The following LAMA4 variants were observed in gnomAD, a reference collection of about 807,000 sequenced individuals.
The protein encoded by LAMA4 is laminin subunit alpha 4.
A neutral mutation model predicts 207.1 loss-of-function variants in LAMA4; 127 were observed. The ratio of observed to expected loss-of-function variants is 0.61; its 90% CI spans 0.53 to 0.71. LAMA4 has a LOEUF of 0.71. Ranked by LOEUF, LAMA4 falls within the 30% of genes least tolerant of loss-of-function variation. LAMA4 has a pLI of 0.00. For synonymous variants in LAMA4, 761 were observed against 816.0 expected (o/e 0.93, Z 1.15); for missense variants, 2,093 against 2,246.5 (o/e 0.93, Z 1.38).
chr6:112,220,413 T>C (rs1362577171), intron 2 of LAMA4, among the ~76,000 whole-genome samples: 4 of 152,170 alleles, frequency 2.6e-5, no homozygotes, highest in Admixed American at 1.3e-4. Context: ...GTATGTGTAC[T>C]TGCCTAATTT....
chr6:112,213,595 A>G, intron 3 of LAMA4: 1 of 155,340 alleles, frequency 6.4e-6, no homozygotes, highest in Non-Finnish European at 1.4e-5. Flanking sequence ...TATTTGAAAG[A>G]TTAGTGTTCC....
intron 31 of LAMA4, among the ~76,000 whole-genome samples, chr6:112,123,549 G>T (rs587706379): frequency 6.6e-6 from 1 of 152,240 alleles, no homozygotes; most frequent in East Asian, 1.9e-4. Context: ...AAGGGCAAAA[G>T]ACAAAATCCC....
In LAMA4 at chr6:112,109,575, T is replaced by C. The variant is rs587685869; in HGVS notation, c.5334A>G (p.Leu1778=). 15 of 1,613,996 alleles carry C rather than the reference T, an allele frequency of 9.3e-6. No homozygotes were observed. In the South Asian group the frequency reaches 1.2e-4, roughly 13 times the overall value. The part of the protein sequence containing the change: ...PVFVGGVPES[L]LTPRLAPSKP... ...TGCTGGGGGCCAAGCGTGGTGTCAGTAGAGATTCTGAAAAGAGCAAGAAAT... is the reference window on the plus strand; with the variant it reads ...TGCTGGGGGCCAAGCGTGGTGTCAGCAGAGATTCTGAAAAGAGCAAGAAAT... The change falls in exon 39 of 39, where the codon CTA becomes CTG. Residue 1778 remains leucine, a synonymous_variant. Transcript: ENST00000230538.
Position 112,139,156 on chromosome 6 carries a change from T to C in LAMA4, c.3246A>G (p.Pro1082=), listed in dbSNP as rs782387031. 58 of 1,614,072 alleles carry C rather than the reference T, an allele frequency of 3.6e-5. No individual in the cohort carries two copies. The Admixed American group carries it at 9.3e-4, about 26-fold the overall frequency. ...VTRFDIEVRT[P]ADNGLILLMV... is the part of the protein sequence containing the mutation. Reference sequence around the variant, plus strand: ...TCAGGAGAATAAGGCCGTTGTCAGCTGGTGTTCGAACTTCTATGTCAAAGC... The same window carrying C: ...TCAGGAGAATAAGGCCGTTGTCAGCCGGTGTTCGAACTTCTATGTCAAAGC... Residue 1082 remains proline, a synonymous_variant, in exon 24 of 39, where the codon CCA becomes CCG. Transcript: ENST00000230538.
intron 19 of LAMA4, among the ~76,000 whole-genome samples, chr6:112,142,734 C>A (rs1165504371): frequency 6.6e-6 from 1 of 152,108 alleles, no homozygotes; most frequent in African/African-American, 2.4e-5. Context: ...TGGGGTGAGG[C>A]TGTGAGCAAC....
chr6:112,154,561 T>G (rs1468254274), intron 16 of LAMA4, among the ~76,000 whole-genome samples: 1 of 152,116 alleles, frequency 6.6e-6, no homozygotes, highest in Non-Finnish European at 1.5e-5. Flanking sequence ...AAATTGGTAT[T>G]TATGGTAAGT....
At chr6:112,112,104 T>G (rs1379263280) in intron 38 of LAMA4, among the ~76,000 whole-genome samples, 1 of 152,170 alleles carries the variant, frequency 6.6e-6, no homozygotes, top group Non-Finnish European at 1.5e-5. Context: ...ATGCACTTCT[T>G]AGTTTCAACA....
At position 112,254,025 on chromosome 6, in the gene LAMA4, A is replaced by G; in HGVS notation, c.126T>C (p.Val42=). 1 of 1,592,762 alleles carries G rather than the reference A, an allele frequency of 6.3e-7. No homozygotes were observed. Among genetic ancestry groups the G allele is most frequent in the Non-Finnish European group, 8.6e-7 (1 of 1,169,212 alleles). Reference sequence around the variant, plus strand: ...TCGTCTCAGGCGGGTCTTGCCTGCCAACCGCTGAGCTCCCTTCAATGTCAA... The same window carrying G: ...TCGTCTCAGGCGGGTCTTGCCTGCCGACCGCTGAGCTCCCTTCAATGTCAA... The part of the protein sequence containing the change: ...FPFDIEGSSA[V]GRQDPPETSE... Residue 42 remains valine (V), a synonymous_variant, in exon 2 of 39, where the codon GTT becomes GTC. Coordinates refer to ENST00000230538, the MANE Select transcript of LAMA4 (RefSeq NM_001105206.3).
chr6:112,191,837 A>G lies in LAMA4; in HGVS notation c.517T>C (p.Tyr173His). Residue 173 changes from tyrosine (Y) to histidine (H), a missense_variant, in exon 6 of 39, where the codon TAC becomes CAC. Transcript: ENST00000230538. ...CCAATGAGTAAGGGGTTTCCATAGT[A>G]ACCGGGAGCACATCTGAAGAGGAAT... ...GPNCERCAPG[Y>H]YGNPLLIGST... 1 of 1,613,130 alleles carries G rather than the reference A, an allele frequency of 6.2e-7. No homozygotes were observed. Among genetic ancestry groups the G allele is most frequent in the South Asian group, 1.1e-5 (1 of 91,070 alleles).
intron 13 of LAMA4, among the ~76,000 whole-genome samples, chr6:112,161,612 G>A (rs549820312): frequency 6.6e-6 from 1 of 152,318 alleles, no homozygotes; most frequent in East Asian, 1.9e-4. Flanking sequence ...GGAATTTACA[G>A]TTTAGTGGGA....
chr6:112,254,301 T>TA lies in LAMA4; in HGVS notation c.-141-11dup, dbSNP rs1787705645. 1 of 922,648 alleles carries TA rather than the reference T, an allele frequency of 1.1e-6. No individual in the cohort carries two copies. Among genetic ancestry groups the TA allele is most frequent in the Non-Finnish European group, 1.7e-6 (1 of 587,128 alleles). 57.2% of individuals were successfully genotyped at this position (922,648 alleles called of 1,614,324 possible). A position where few individuals can be genotyped will look rare whatever the true frequency, so the allele number is the denominator to read the frequency against. On this transcript the variant is annotated splice_polypyrimidine_tract_variant and intron_variant, in intron 1 of 38. Transcript: ENST00000230538. ...GCTGCGCAACCAGCAGCTTAGGAAA[T>TA]AAAGGGAAAGTGCGAGAGTAAGGGA...
intron 29 of LAMA4, among the ~76,000 whole-genome samples, chr6:112,130,413 A>G (rs1165529127): frequency 2.0e-5 from 3 of 151,732 alleles, no homozygotes; most frequent in Non-Finnish European, 4.4e-5. Context: ...AGCACATTAG[A>G]TTATTTTGAT....
At position 112,175,360 on chromosome 6, in the gene LAMA4, A is replaced by G. The variant is rs782766851; in HGVS notation, c.1310T>C (p.Phe437Ser). 6.8e-6 allele frequency: 11 copies of G among 1,613,984 alleles called. No homozygotes were observed. Among genetic ancestry groups the G allele is most frequent in the Non-Finnish European group, 9.3e-6 (11 of 1,179,960 alleles). The change falls in exon 11 of 39, where the codon TTC becomes TCC. Residue 437 changes from phenylalanine (F) to serine (S), a missense_variant. Phe to Ser is a radical substitution (Grantham distance 155, BLOSUM62 -2). Transcript: ENST00000230538. ...LEEIRSRQPF[F>S]TQRELVDEEA... ...CTCATCCACGAGCTCCCGTTGGGTGAAAAATGGTTGACGGCTTCTAATCTC... is the reference window on the plus strand; with the variant it reads ...CTCATCCACGAGCTCCCGTTGGGTGGAAAATGGTTGACGGCTTCTAATCTC...
At chr6:112,200,909 C>T (rs1783707349) in intron 5 of LAMA4, among the ~76,000 whole-genome samples, 1 of 151,842 alleles carries the variant, frequency 6.6e-6, no homozygotes, top group African/African-American at 2.4e-5. Context: ...GGAGGGATAG[C>T]ATTAGGAGAA....
chr6:112,206,281 T>G (rs1453904957), intron 4 of LAMA4, among the ~76,000 whole-genome samples: 2 of 152,170 alleles, frequency 1.3e-5, no homozygotes, highest in Non-Finnish European at 2.9e-5. Context: ...ATCTGTGGGA[T>G]CTGCACTGAC....
chr6:112,150,834 G>C (rs1368493861), intron 16 of LAMA4, among the ~76,000 whole-genome samples: 1 of 152,194 alleles, frequency 6.6e-6, no homozygotes, highest in Admixed American at 6.5e-5. Flanking sequence ...AATACTGCTT[G>C]TGAGTGACTT....
intron 5 of LAMA4, 89 bp downstream of exon 5, chr6:112,201,519 C>T: frequency 9.3e-7 from 1 of 1,080,666 alleles, no homozygotes. Flanking sequence ...TCAGGACCCA[C>T]TGAATGGGAG....
intron 26 of LAMA4, 109 bp downstream of exon 26, chr6:112,134,358 T>A: frequency 9.5e-7 from 1 of 1,057,940 alleles, no homozygotes; most frequent in Non-Finnish European, 1.5e-6. Flanking sequence ...CCTGTCCCTG[T>A]GTGTAAAAGT....
Position 112,155,644 on chromosome 6 carries a change from T to C in LAMA4, c.1880A>G (p.Tyr627Cys). The C allele has an allele frequency of 6.2e-7, 1 of 1,614,152 alleles. No individual in the cohort carries two copies. ...VQKALDASNVYENIVNYVSEA... is the reference protein window; with the variant it reads ...VQKALDASNVCENIVNYVSEA... ...ACTAACATAATTAACAATATTTTCA[T>C]AGACATTTGATGCATCCAAAGCCTT... Residue 627 changes from tyrosine (Y) to cysteine (C), a missense_variant, in exon 15 of 39, where the codon TAT becomes TGT. Physicochemically the swap from Tyr to Cys is radical, Grantham distance 194 (BLOSUM62 -2). Transcript: ENST00000230538.
Sources: allele counts gnomAD v4.1 joint callset (sites outside exome capture counted in the v4.1 genomes callset), GRCh38; gene constraint gnomAD v4.1.1; transcripts MANE v1.5; gene names NCBI Gene and HGNC (gene_info 2026-07-23, HGNC 2026-07-21).